TRPM3: variants seen among roughly 807,000 people sequenced by gnomAD.
TRPM3 encodes the protein long transient receptor potential channel 3.
TRPM3 carries 77 observed loss-of-function variants against 181.2 expected under a neutral mutation model. That is an observed-to-expected ratio of 0.42 (90% CI 0.35 to 0.51). The LOEUF is 0.51. Among genes scored for constraint, TRPM3 ranks in the 20% least tolerant of loss-of-function variants. The pLI, the probability that TRPM3 is intolerant of heterozygous loss-of-function variation, is 0.01. For missense variants in TRPM3, 1,759 were observed against 2,196.7 expected (o/e 0.80, Z 3.98); for synonymous variants, 745 against 796.4 (o/e 0.94, Z 1.09).
chr9:70,877,696 C>T (rs1041852564), intron 1 of TRPM3, among the ~76,000 whole-genome samples: 2 of 151,952 alleles, frequency 1.3e-5, no homozygotes, highest in East Asian at 3.9e-4. Flanking sequence ...TCTACGTTTG[C>T]AAGAGATCTT....
intron 1 of TRPM3, among the ~76,000 whole-genome samples, chr9:71,418,908 GTA>G (rs201747743): frequency 7.3e-4 from 72 of 98,542 alleles, no homozygotes; most frequent in Admixed American, 1.1e-3. Context: ...ATGTGTGTGT[GTA>G]TATATATGTG....
At chr9:71,098,399 C>T (rs1307057895) in intron 1 of TRPM3, among the ~76,000 whole-genome samples, 2 of 152,274 alleles carry the variant, frequency 1.3e-5, no homozygotes, top group Non-Finnish European at 2.9e-5. Context: ...TGTGTGGAAA[C>T]AGAGCAAGCC....
At chr9:70,899,935 T>C (rs984471658) in intron 1 of TRPM3, among the ~76,000 whole-genome samples, 1 of 152,234 alleles carries the variant, frequency 6.6e-6, no homozygotes, top group Non-Finnish European at 1.5e-5. Flanking sequence ...TATTGCAGCA[T>C]TATCATTGCT....
Position 70,863,099 on chromosome 9 carries a change from G to T in TRPM3, c.271C>A (p.Arg91Ser). The T allele has an allele frequency of 6.2e-7, 1 of 1,613,128 alleles. No homozygotes were observed. The highest frequency in any genetic ancestry group is 8.5e-7 in the Non-Finnish European group (1 of 1,179,460). The part of the protein sequence containing the change: ...TKDPHRCCCG[R>S]LIGQHVGLTP... ...AGGCCAACATGCTGGCCTATCAGAC[G>T]CCCACAGCAACACCTATAACAGAAG... Residue 91 changes from arginine to serine, a missense_variant, in exon 3 of 26, where the codon CGT becomes AGT. This residue lies in a region of TRPM3 where 737 missense variants were observed against 957.4 expected (regional missense o/e 0.77). Transcript: ENST00000677713.
chr9:71,339,317 A>T lies in TRPM3; in HGVS notation c.183+107336T>A, dbSNP rs565337264. On this transcript the variant is annotated intron_variant, in intron 1 of 24. Coordinates refer to the TRPM3 transcript ENST00000357533. ...CAATAAAAATCTTTTTTCTGGAGCT[A>T]CACAAGTTGCAGTGCAGTTTAAATA... Among the ~76,000 whole-genome samples, 14 of 152,268 alleles carry T rather than the reference A, an allele frequency of 9.2e-5. No individual in the cohort carries two copies. In the East Asian group the frequency reaches 2.5e-3, roughly 27 times the overall value.
intron 1 of TRPM3, among the ~76,000 whole-genome samples, chr9:71,311,323 G>T (rs1311038669): frequency 6.6e-6 from 1 of 152,048 alleles, no homozygotes; most frequent in Admixed American, 6.6e-5. Context: ...CAATTATTTT[G>T]CAGAAAATGT....
chr9:71,298,725 T>C (rs1360066342), intron 1 of TRPM3, among the ~76,000 whole-genome samples: 1 of 152,010 alleles, frequency 6.6e-6, no homozygotes, highest in African/African-American at 2.4e-5. Flanking sequence ...CTCCACACTC[T>C]CTCTCAATCT....
At chr9:71,428,498 T>C (rs2093907649) in intron 1 of TRPM3, among the ~76,000 whole-genome samples, 1 of 152,172 alleles carries the variant, frequency 6.6e-6, no homozygotes, top group Non-Finnish European at 1.5e-5. Flanking sequence ...CATATTTGGA[T>C]GAACAGTTTT....
chr9:70,872,273 T>G (rs954614256), intron 1 of TRPM3, among the ~76,000 whole-genome samples: 7 of 151,908 alleles, frequency 4.6e-5, no homozygotes, highest in African/African-American at 1.7e-4. Context: ...CTGGCCCTGG[T>G]CAACCCTTGG....
rs374710131 is a variant in TRPM3, at chr9:70,912,656, T to C, written c.178-48145A>G. Among the ~76,000 whole-genome samples the C allele has an allele frequency of 9.2e-5, 14 of 152,302 alleles. No homozygotes were observed. In the East Asian group the frequency reaches 1.7e-3, roughly 19 times the overall value. ...TGAGAAGTCAAAACAAATGTGGATA[T>C]TGATCCTTAACAAGTGCTTGAGAAA... On this transcript the variant is annotated intron_variant, in intron 1 of 25. Transcript: ENST00000677713.
At chr9:70,789,314 T>C (rs1295620895) in intron 6 of TRPM3, among the ~76,000 whole-genome samples, 1 of 152,218 alleles carries the variant, frequency 6.6e-6, no homozygotes, top group Non-Finnish European at 1.5e-5. Flanking sequence ...ATTTTCTTTA[T>C]GCTCATAAAG....
chr9:71,011,752 T>C (rs1286159564), intron 1 of TRPM3, among the ~76,000 whole-genome samples: 1 of 150,708 alleles, frequency 6.6e-6, no homozygotes, highest in Admixed American at 6.6e-5. Flanking sequence ...ATAGGGGTCA[T>C]ACAGGAATTC....
At chr9:71,205,153 T>C (rs918525652) in intron 1 of TRPM3, among the ~76,000 whole-genome samples, 7 of 152,062 alleles carry the variant, frequency 4.6e-5, no homozygotes, top group Non-Finnish European at 8.8e-5. Context: ...GCATGGCACA[T>C]GTATACATAT....
rs1212718551 is a variant in TRPM3, at chr9:70,625,274, A to G, written c.1726T>C (p.Tyr576His). The G allele has an allele frequency of 6.8e-6, 11 of 1,614,004 alleles. No homozygotes were observed. The highest frequency in any genetic ancestry group is 9.3e-6 in the Non-Finnish European group (11 of 1,180,048). ...SLIDIGLVIE[Y>H]LMGGAYRCNY... ...CAGCGATAAGCCCCGCCCATCAGGT[A>G]CTCGATCACCAGGCCGATGTCAATC... is the stretch of plus-strand genomic sequence containing the variant. The change falls in exon 14 of 26, where the codon TAC (tyrosine) becomes CAC (histidine). Residue 576 changes from tyrosine (Y) to histidine (H), a missense_variant. Around this residue, in one of 8 missense-constraint regions of TRPM3, gnomAD observed 737 missense variants for 957.4 expected, o/e 0.77. Coordinates refer to ENST00000677713, the MANE Select transcript of TRPM3 (RefSeq NM_001366145.2). The surrounding 1 kb of genome is among the most constrained non-coding windows in gnomAD (Gnocchi z 4.8).
intron 1 of TRPM3, among the ~76,000 whole-genome samples, chr9:71,328,316 ACCACG>A (rs1231565070): frequency 6.6e-6 from 1 of 152,070 alleles, no homozygotes. Context: ...GGCGCCTGCC[ACCACG>A]CCCGGCTAAT....
chr9:71,118,795 T>TG (rs909838742), intron 1 of TRPM3, among the ~76,000 whole-genome samples: 10 of 147,598 alleles, frequency 6.8e-5, no homozygotes, highest in African/African-American at 2.5e-4. Flanking sequence ...TGGAGGGAGG[T>TG]GGAACAAGAG....
At chr9:71,386,223 G>A (rs1438958721) in intron 1 of TRPM3, among the ~76,000 whole-genome samples, 1 of 151,976 alleles carries the variant, frequency 6.6e-6, no homozygotes, top group Non-Finnish European at 1.5e-5. Context: ...GGCCAAGGCT[G>A]GCAGATCACG....
chr9:70,548,870 T>TC (rs1324731600), intron 25 of TRPM3, among the ~76,000 whole-genome samples: 1 of 114,974 alleles, frequency 8.7e-6, no homozygotes, highest in Non-Finnish European at 2.0e-5. Context: ...CTCTCTCTCT[T>TC]TTTAATACGC....
chr9:71,239,720 C>T (rs1216855262), intron 1 of TRPM3, among the ~76,000 whole-genome samples: 1 of 152,006 alleles, frequency 6.6e-6, no homozygotes, highest in Admixed American at 6.6e-5. Flanking sequence ...AAAAGTACTA[C>T]AATATGTGCT....
Sources: allele counts gnomAD v4.1 joint callset (sites outside exome capture counted in the v4.1 genomes callset), GRCh38; gene constraint gnomAD v4.1.1; regional missense constraint gnomAD v4.1.1; non-coding constraint Gnocchi (gnomAD v3.1); transcripts MANE v1.5; gene names NCBI Gene and HGNC (gene_info 2026-07-23, HGNC 2026-07-21).